CCNH: variants seen among roughly 807,000 people sequenced by gnomAD.
CCNH encodes the protein cyclin H.
A neutral mutation model predicts 41.9 loss-of-function variants in CCNH; 31 were observed. The ratio of observed to expected loss-of-function variants is 0.74; its 90% CI spans 0.56 to 1.00. The LOEUF (loss-of-function observed/expected upper bound fraction) is 1.00. Among genes scored for constraint, CCNH ranks in the 50% least tolerant of loss-of-function variants. The probability of loss-of-function intolerance (pLI) is 0.00; values close to 1 mark genes in which losing one functional copy is unlikely to be tolerated. For missense variants in CCNH, 362 were observed against 388.4 expected, an observed-to-expected ratio of 0.93 and a Z score of 0.57; for synonymous variants, 138 against 136.1, an observed-to-expected ratio of 1.01 and a Z score of -0.10.
At chr5:87,373,247 T>TCAAAAATATTC (rs1761076458), downstream of CCNH, among the ~76,000 whole-genome samples, 1 of 146,874 alleles carries the variant, frequency 6.8e-6, no homozygotes, top group African/African-American at 2.7e-5. Flanking sequence ...CAACCATGGG[T>TCAAAAATATTC]CGAAAAAATA....
intron 9 of CCNH, chr5:87,383,925 C>A: frequency 2.8e-6 from 2 of 724,824 alleles, no homozygotes; most frequent in Non-Finnish European, 2.3e-6. Context: ...AGCACCCTTC[C>A]TTCCTTGTGC....
intron 9 of CCNH, chr5:87,369,910 C>CA (rs1561316762): frequency 6.3e-7 from 1 of 1,588,660 alleles, no homozygotes; most frequent in Admixed American, 1.7e-5. Flanking sequence ...GGTAAGATTA[C>CA]TGTTTCTCAA....
In CCNH at chr5:87,412,796, A is replaced by T; in HGVS notation, c.-2T>A. The T allele has an allele frequency of 6.2e-7, 1 of 1,613,948 alleles. No individual in the cohort carries two copies. ...CTTCTGACTACTGTTGTGGTACATTATGGAATCGTGACCAGGTCCAGAGGG... is the reference window on the plus strand; with the variant it reads ...CTTCTGACTACTGTTGTGGTACATTTTGGAATCGTGACCAGGTCCAGAGGG... On this transcript the variant is annotated 5_prime_UTR_variant, in exon 1 of 9. Transcript: ENST00000256897.
chr5:87,316,609 G>A (rs889529731), downstream of CCNH, among the ~76,000 whole-genome samples: 2 of 152,106 alleles, frequency 1.3e-5, no homozygotes, highest in African/African-American at 4.8e-5. Context: ...TGAGGATTGA[G>A]AACATGGAGA....
At chr5:87,361,473 G>A (rs1760085039) in intron 9 of CCNH, among the ~76,000 whole-genome samples, 1 of 152,128 alleles carries the variant, frequency 6.6e-6, no homozygotes, top group South Asian at 2.1e-4. Flanking sequence ...GATCCATGAA[G>A]TTTGTAAGAT....
At chr5:87,377,792 C>T (rs535676483), upstream of CCNH, among the ~76,000 whole-genome samples, 2 of 152,300 alleles carry the variant, frequency 1.3e-5, no homozygotes, top group East Asian at 3.9e-4. Flanking sequence ...GATTCATTAA[C>T]AGTTCTTGCT....
At chr5:87,321,002 C>A (rs1350956820) in intron 9 of CCNH, among the ~76,000 whole-genome samples, 1 of 152,130 alleles carries the variant, frequency 6.6e-6, no homozygotes, top group Admixed American at 6.5e-5. Flanking sequence ...TTGTACACTT[C>A]TGAGCTATTA....
upstream of CCNH, chr5:87,379,598 T>C (rs1208210290): frequency 4.1e-6 from 5 of 1,231,288 alleles, no homozygotes; most frequent in African/African-American, 6.2e-5. Flanking sequence ...ACTCCCATTA[T>C]ACAAAGAAAA....
intron 7 of CCNH, among the ~76,000 whole-genome samples, chr5:87,397,589 CTA>C (rs893062461): frequency 6.6e-6 from 1 of 152,098 alleles, no homozygotes; most frequent in African/African-American, 2.4e-5. Context: ...AAGTATACAT[CTA>C]GTGATTTTTT....
At chr5:87,405,191 T>G (rs1763701489) in intron 4 of CCNH, among the ~76,000 whole-genome samples, 184 bp from the exon 5 acceptor site, 1 of 151,984 alleles carries the variant, frequency 6.6e-6, no homozygotes, top group Non-Finnish European at 1.5e-5. Context: ...TCCACCTGAG[T>G]AGGAAGGGGA....
intron 6 of CCNH, among the ~76,000 whole-genome samples, chr5:87,400,567 A>G (rs1254897660): frequency 6.6e-6 from 1 of 152,138 alleles, no homozygotes. Flanking sequence ...CATAAATCAC[A>G]GCCATCATTC....
In CCNH at chr5:87,408,096, T is replaced by G; in HGVS notation, c.405A>C (p.Gly135=). The G allele has an allele frequency of 1.9e-6, 3 of 1,613,330 alleles. No individual in the cohort carries two copies. The highest frequency in any genetic ancestry group is 2.5e-6 in the Non-Finnish European group (3 of 1,179,482). Residue 135 remains glycine, a synonymous_variant, in exon 4 of 9, where the codon GGA becomes GGC. Coordinates refer to ENST00000256897, the MANE Select transcript of CCNH (RefSeq NM_001239.4). ...GTATCTGTTCAAGTGCCTTCTCCTGTCCAAGAGGACTCTCCCGGAGGTTTC... is the reference window on the plus strand; with the variant it reads ...GTATCTGTTCAAGTGCCTTCTCCTGGCCAAGAGGACTCTCCCGGAGGTTTC... ...FVGNLRESPL[G]QEKALEQILE...
chr5:87,341,339 A>T, intron 9 of CCNH: 1 of 1,285,276 alleles, frequency 7.8e-7, no homozygotes, highest in Non-Finnish European at 9.8e-7. Context: ...TGTGTTAATT[A>T]TTAAAATGAA....
rs1386376083 is a variant in CCNH, at chr5:87,412,662, G to A, written c.117+16C>T. 6.2e-7 allele frequency: 1 copy of A among 1,613,304 alleles called. No individual in the cohort carries two copies. Among genetic ancestry groups the A allele is most frequent in the African/African-American group, 1.3e-5 (1 of 75,062 alleles). On this transcript the variant is annotated intron_variant, in intron 1 of 8. Coordinates refer to ENST00000256897, the MANE Select transcript of CCNH (RefSeq NM_001239.4). ...TTAGTGACCGGGCAACTGGGCAACCGTTGGGAAAACCTCACCTTCCCGTTG... is the reference window on the plus strand; with the variant it reads ...TTAGTGACCGGGCAACTGGGCAACCATTGGGAAAACCTCACCTTCCCGTTG...
intron 9 of CCNH, chr5:87,318,934 A>G (rs1756558282): frequency 6.6e-6 from 1 of 152,306 alleles, no homozygotes; most frequent in African/African-American, 2.4e-5. Flanking sequence ...CTTCCAAGGT[A>G]CAATGAGAGT....
At chr5:87,313,615 C>G (rs1159479558), downstream of CCNH, among the ~76,000 whole-genome samples, 3 of 152,070 alleles carry the variant, frequency 2.0e-5, no homozygotes, top group Non-Finnish European at 4.4e-5. Context: ...CTTAAATGTC[C>G]CCCAGTATCC....
In CCNH at chr5:87,321,141, C is replaced by T. The variant is rs147602932; in HGVS notation, c.*91-2244G>A. Among the ~76,000 whole-genome samples the T allele has an allele frequency of 2.5e-3, 386 of 152,122 alleles. 1 individual carries two copies. The highest frequency in any genetic ancestry group is 8.7e-3 in the African/African-American group (362 of 41,482). On this transcript the variant is annotated intron_variant and NMD_transcript_variant, in intron 9 of 9. Transcript: ENST00000645953. ...TAGTAATGAATGAAGGAATGGAAAA[C>T]GAGAATAATTTCAATGATACTGGAG... is the stretch of plus-strand genomic sequence containing the variant.
chr5:87,322,605 A>G (rs1291421679), intron 9 of CCNH, among the ~76,000 whole-genome samples: 1 of 151,994 alleles, frequency 6.6e-6, no homozygotes, highest in Non-Finnish European at 1.5e-5. Context: ...TGCCATGAGT[A>G]AAAGCTTCCT....
chr5:87,352,176 C>T (rs952296442), intron 9 of CCNH, among the ~76,000 whole-genome samples: 5 of 151,574 alleles, frequency 3.3e-5, no homozygotes, highest in Non-Finnish European at 4.4e-5. Flanking sequence ...TTAAATGCTG[C>T]TTCTGGTATT....
Sources: gnomAD v4.1 joint callset for allele counts (sites outside exome capture counted in the v4.1 genomes callset) on GRCh38, gnomAD v4.1.1 for gene constraint, MANE v1.5 for transcripts, NCBI Gene and HGNC (gene_info 2026-07-23, HGNC 2026-07-21) for gene names.